The following LRRC69 variants were observed in gnomAD, a reference collection of about 807,000 sequenced individuals.
The protein encoded by LRRC69 is leucine rich repeat containing 69, also known as leucine-rich repeat-containing protein 69.
Under a neutral mutation model 37.8 loss-of-function variants are expected in LRRC69, and 42 were observed. The ratio of observed to expected loss-of-function variants is 1.11; its 90% CI spans 0.87 to 1.44. The LOEUF (loss-of-function observed/expected upper bound fraction) is 1.44. Ranked by LOEUF, LRRC69 falls within the 40% of genes most tolerant of loss-of-function variation. The pLI is 0.00. For missense variants in LRRC69, 357 were observed against 401.9 expected, an observed-to-expected ratio of 0.89 and a Z score of 0.96; for synonymous variants, 141 against 143.1, an observed-to-expected ratio of 0.99 and a Z score of 0.11.
At chr8:91,168,710 GTGTTGTC>G (rs1443436497) in intron 5 of LRRC69, among the ~76,000 whole-genome samples, 2 of 143,868 alleles carry the variant, frequency 1.4e-5, no homozygotes, top group East Asian at 4.1e-4. Context: ...GACACTCTAT[GTGTTGTC>G]TGTTTTTTTG....
At chr8:91,121,238 T>C (rs1813614466) in intron 1 of LRRC69, among the ~76,000 whole-genome samples, 1 of 152,074 alleles carries the variant, frequency 6.6e-6, no homozygotes, top group African/African-American at 2.4e-5. Flanking sequence ...CACTTCTTGC[T>C]ACCCCTGCAG....
At position 91,117,390 on chromosome 8, in the gene LRRC69, G is replaced by T. The variant is rs1813528987; in HGVS notation, c.184-7103G>T. On this transcript the variant is annotated intron_variant, in intron 1 of 7. Transcript: ENST00000448384. ...AAACTTGGTGGCAGATTGAATTTAG[G>T]TGGAGGGAGAGAAAGATGTTCTAGG... 1.3e-5 allele frequency among the ~76,000 whole-genome samples: 2 copies of T among 151,876 alleles called. 1 individual carries two copies. Among genetic ancestry groups the T allele is most frequent in the Admixed American group, 1.3e-4 (2 of 15,232 alleles).
chr8:91,204,615 T>C (rs1201597481), intron 7 of LRRC69, among the ~76,000 whole-genome samples: 1 of 152,208 alleles, frequency 6.6e-6, no homozygotes, highest in African/African-American at 2.4e-5. Context: ...TTCCCAAGGA[T>C]CTCCAGAGCC....
intron 5 of LRRC69, among the ~76,000 whole-genome samples, chr8:91,187,706 G>C (rs143344059): frequency 2.0e-5 from 3 of 152,072 alleles, no homozygotes; most frequent in African/African-American, 7.2e-5. Flanking sequence ...ACTGACATAC[G>C]GTCTTATTCT....
intron 2 of LRRC69, among the ~76,000 whole-genome samples, chr8:91,125,401 A>G (rs1050060601): frequency 1.3e-5 from 2 of 151,884 alleles, no homozygotes; most frequent in Non-Finnish European, 2.9e-5. Context: ...TATTTGGCAA[A>G]TAGCACAAGT....
At position 91,149,024 on chromosome 8, in the gene LRRC69, T is replaced by G. The variant is rs536132683; in HGVS notation, c.651+13285T>G. On this transcript the variant is annotated intron_variant, in intron 5 of 7. Transcript: ENST00000448384. ...GTAGATTGCAAAAATTTTCTCCCAT[T>G]TTGTAGGTTGCCTGTTCACTCTGAT... 4.8e-4 allele frequency among the ~76,000 whole-genome samples: 72 copies of G among 151,080 alleles called. 3 individuals carry two copies. Among genetic ancestry groups the G allele is most frequent in the Non-Finnish European group, 8.9e-4 (60 of 67,472 alleles).
At chr8:91,146,939 A>G (rs190737348) in intron 5 of LRRC69, among the ~76,000 whole-genome samples, 1 of 151,716 alleles carries the variant, frequency 6.6e-6, no homozygotes, top group Non-Finnish European at 1.5e-5. Context: ...TCTGTAATGC[A>G]TAGGACAGTC....
intron 6 of LRRC69, 82 bp from the exon 7 acceptor site, chr8:91,200,531 T>A: frequency 1.1e-6 from 1 of 886,760 alleles, no homozygotes; most frequent in Non-Finnish European, 1.6e-6. Flanking sequence ...GCCATACACT[T>A]TATCTAATGA....
chr8:91,162,218 G>A (rs1043606645), intron 5 of LRRC69, among the ~76,000 whole-genome samples: 4 of 151,482 alleles, frequency 2.6e-5, no homozygotes, highest in Admixed American at 1.3e-4. Context: ...AGAAGAATGT[G>A]TATTCTGCAG....
chr8:91,190,961 C>T (rs1378603140), intron 6 of LRRC69, among the ~76,000 whole-genome samples: 1 of 151,660 alleles, frequency 6.6e-6, no homozygotes, highest in African/African-American at 2.4e-5. Flanking sequence ...GAGGCTTGAG[C>T]CCAGTAGGTT....
At chr8:91,158,812 A>G in intron 5 of LRRC69, 2 of 722,092 alleles carry the variant, frequency 2.8e-6, no homozygotes, top group South Asian at 1.5e-5. Flanking sequence ...ATAACAATGT[A>G]TGTGAAAGTG....
chr8:91,180,502 A>G (rs747970004), intron 5 of LRRC69, among the ~76,000 whole-genome samples: 2 of 152,140 alleles, frequency 1.3e-5, no homozygotes, highest in African/African-American at 2.4e-5. Flanking sequence ...GCTTTATTCT[A>G]TTCATTAGAA....
At chr8:91,129,820 C>G (rs894592526) in intron 3 of LRRC69, among the ~76,000 whole-genome samples, 1 of 151,934 alleles carries the variant, frequency 6.6e-6, no homozygotes, top group African/African-American at 2.4e-5. Context: ...TCTGAAGTCC[C>G]GTGTCTTTTG....
At chr8:91,104,327 C>G (rs189382587) in intron 1 of LRRC69, among the ~76,000 whole-genome samples, 1 of 151,954 alleles carries the variant, frequency 6.6e-6, no homozygotes, top group African/African-American at 2.4e-5. Flanking sequence ...ATAACACTTA[C>G]AGCTTTTATA....
chr8:91,113,105 A>G (rs942523201), intron 1 of LRRC69, among the ~76,000 whole-genome samples: 1 of 152,056 alleles, frequency 6.6e-6, no homozygotes, highest in African/African-American at 2.4e-5. Flanking sequence ...CTTCATAGAT[A>G]GGAAGAATTA....
intron 7 of LRRC69, among the ~76,000 whole-genome samples, chr8:91,203,759 G>T (rs1025537823): frequency 6.6e-6 from 1 of 151,888 alleles, no homozygotes; most frequent in African/African-American, 2.4e-5. Context: ...AAAAAATACA[G>T]ATTATCCTAC....
intron 7 of LRRC69, among the ~76,000 whole-genome samples, chr8:91,202,204 TAAAACA>T (rs140816721): frequency 0.022 from 3,384 of 151,644 alleles, 113 homozygotes; most frequent in African/African-American, 0.076. Context: ...AGACTCTGTC[TAAAACA>T]AAAACAAAAA....
intron 2 of LRRC69, among the ~76,000 whole-genome samples, chr8:91,125,192 T>G (rs751724118): frequency 5.3e-5 from 8 of 151,546 alleles, no homozygotes; most frequent in Non-Finnish European, 1.0e-4. Context: ...GAGATCTACA[T>G]GGCTTTTATA....
chr8:91,142,684 G>C (rs995912541), intron 5 of LRRC69, among the ~76,000 whole-genome samples: 6 of 152,016 alleles, frequency 3.9e-5, no homozygotes, highest in Admixed American at 1.3e-4. Context: ...TGCTGATGCT[G>C]TAAGTCCAGG....
Sources: allele counts gnomAD v4.1 joint callset (sites outside exome capture counted in the v4.1 genomes callset), GRCh38; gene constraint gnomAD v4.1.1; transcripts MANE v1.5; gene names NCBI Gene and HGNC (gene_info 2026-07-23, HGNC 2026-07-21).